Variants in DGKB observed in about 807,000 individuals in gnomAD.
The protein encoded by DGKB is diacylglycerol kinase beta.
In DGKB, 67 loss-of-function variants were observed where a neutral mutation model predicts 114.3. The ratio of observed to expected loss-of-function variants is 0.59; its 90% CI spans 0.48 to 0.72. The LOEUF is 0.72. Among genes scored for constraint, DGKB ranks in the 30% least tolerant of loss-of-function variants. The pLI, the probability that DGKB is intolerant of heterozygous loss-of-function variation, is 0.00. For synonymous variants in DGKB, 398 were observed against 323.1 expected, an observed-to-expected ratio of 1.23 and a Z score of -2.49; for missense variants, 907 against 975.2, an observed-to-expected ratio of 0.93 and a Z score of 0.93.
chr7:14,282,853 G>T (rs1042993176), intron 23 of DGKB, among the ~76,000 whole-genome samples: 1 of 152,006 alleles, frequency 6.6e-6, no homozygotes, highest in African/African-American at 2.4e-5. Flanking sequence ...GGTATTGATG[G>T]GACATATTTC....
At chr7:14,692,854 A>T (rs1823121002) in intron 9 of DGKB, among the ~76,000 whole-genome samples, 1 of 152,068 alleles carries the variant, frequency 6.6e-6, no homozygotes, top group Admixed American at 6.5e-5. Flanking sequence ...ACCCAGGTAA[A>T]AAAGAAAACA....
chr7:14,637,208 A>G (rs1810911117), intron 13 of DGKB, among the ~76,000 whole-genome samples: 1 of 152,046 alleles, frequency 6.6e-6, no homozygotes, highest in East Asian at 1.9e-4. Context: ...TGAACTGTTA[A>G]CATAAAAATT....
chr7:14,868,534 C>G (rs1284025627), intron 1 of DGKB, among the ~76,000 whole-genome samples: 3 of 151,966 alleles, frequency 2.0e-5, no homozygotes, highest in Non-Finnish European at 2.9e-5. Flanking sequence ...TGGGGTTTCA[C>G]CATGTTGGCT....
intron 13 of DGKB, among the ~76,000 whole-genome samples, chr7:14,671,284 G>T (rs1234849945): frequency 6.6e-6 from 1 of 152,088 alleles, no homozygotes; most frequent in East Asian, 1.9e-4. Flanking sequence ...GAAAGGACCA[G>T]GAGTGAGGTA....
At chr7:14,756,570 G>A (rs1834902886) in intron 3 of DGKB, among the ~76,000 whole-genome samples, 2 of 151,892 alleles carry the variant, frequency 1.3e-5, no homozygotes, top group South Asian at 4.1e-4. Flanking sequence ...GTACCAGAAT[G>A]TAGAGAGAAT....
chr7:14,315,240 C>G (rs1311522482), intron 23 of DGKB, among the ~76,000 whole-genome samples: 1 of 149,710 alleles, frequency 6.7e-6, no homozygotes, highest in Non-Finnish European at 1.5e-5. Flanking sequence ...AGCAAAATCA[C>G]CAGCTAACAT....
chr7:14,251,758 A>T (rs1033011444), intron 23 of DGKB, among the ~76,000 whole-genome samples: 1 of 152,096 alleles, frequency 6.6e-6, no homozygotes, highest in Non-Finnish European at 1.5e-5. Flanking sequence ...CAGCCTTGTT[A>T]GGTATTATAC....
chr7:14,403,211 A>C (rs1823406937), intron 21 of DGKB, among the ~76,000 whole-genome samples: 2 of 151,642 alleles, frequency 1.3e-5, no homozygotes, highest in African/African-American at 4.8e-5. Flanking sequence ...TCTCTCTTTT[A>C]ATTTAAAAAA....
Position 14,194,571 on chromosome 7 carries a change from T to C in DGKB, c.2123-16420A>G, listed in dbSNP as rs546563025. On this transcript the variant is annotated intron_variant, in intron 23 of 25. Coordinates refer to ENST00000402815, the MANE Select transcript of DGKB (RefSeq NM_001350709.2). Reference sequence around the variant, plus strand: ...ATTAACAAGAGTCATTTAAAAAATCTAGCAGTGTGAAATGTTGCATTCCCT... The same window carrying C: ...ATTAACAAGAGTCATTTAAAAAATCCAGCAGTGTGAAATGTTGCATTCCCT... 2.6e-5 allele frequency among the ~76,000 whole-genome samples: 4 copies of C among 152,270 alleles called. No homozygotes were observed. The South Asian group carries it at 8.3e-4, about 32-fold the overall frequency.
intron 25 of DGKB, 103 bp downstream of exon 25, chr7:14,176,736 A>C: frequency 6.5e-7 from 1 of 1,539,356 alleles, no homozygotes. Context: ...ATTTGCTGAT[A>C]GGTTGAAAAG....
chr7:14,239,144 C>T (rs1275909011), intron 23 of DGKB, among the ~76,000 whole-genome samples: 1 of 151,972 alleles, frequency 6.6e-6, no homozygotes, highest in East Asian at 1.9e-4. Flanking sequence ...GATAACTGCT[C>T]AGCAGTCGTT....
At chr7:14,285,204 C>G (rs917734177) in intron 23 of DGKB, among the ~76,000 whole-genome samples, 1 of 152,066 alleles carries the variant, frequency 6.6e-6, no homozygotes, top group Non-Finnish European at 1.5e-5. Context: ...TATAGGTATA[C>G]TCTGCCCTAG....
intron 25 of DGKB, among the ~76,000 whole-genome samples, chr7:14,156,710 A>C (rs1408146675): frequency 6.6e-6 from 1 of 152,172 alleles, no homozygotes; most frequent in Non-Finnish European, 1.5e-5. Flanking sequence ...ATGAGGCATA[A>C]GGTGGTAGAA....
intron 2 of DGKB, among the ~76,000 whole-genome samples, chr7:14,822,739 T>C (rs1224357842): frequency 1.3e-5 from 2 of 152,124 alleles, no homozygotes; most frequent in Non-Finnish European, 2.9e-5. Context: ...CAATCAACTT[T>C]AGAGCTAGTG....
At chr7:14,824,559 T>C (rs995187785) in intron 2 of DGKB, among the ~76,000 whole-genome samples, 2 of 152,114 alleles carry the variant, frequency 1.3e-5, no homozygotes, top group Admixed American at 6.6e-5. Flanking sequence ...TTATATAATA[T>C]AGTTGAAAAA....
At chr7:14,694,834 G>A (rs1216001341) in intron 8 of DGKB, among the ~76,000 whole-genome samples, 1 of 152,116 alleles carries the variant, frequency 6.6e-6, no homozygotes, top group African/African-American at 2.4e-5. Flanking sequence ...ATTATAAGCA[G>A]ACGAGCCCCT....
chr7:14,547,825 A>C (rs1283236984), intron 20 of DGKB, among the ~76,000 whole-genome samples: 1 of 152,210 alleles, frequency 6.6e-6, no homozygotes, highest in Non-Finnish European at 1.5e-5. Flanking sequence ...GACTGAAAGA[A>C]AATAAAAATT....
chr7:14,310,507 A>G (rs1032203805), intron 23 of DGKB, among the ~76,000 whole-genome samples: 8 of 152,188 alleles, frequency 5.3e-5, no homozygotes, highest in South Asian at 4.1e-4. Flanking sequence ...ACAGATGGAC[A>G]GCTACCAAGG....
At chr7:14,819,792 C>G (rs1358052351) in intron 2 of DGKB, among the ~76,000 whole-genome samples, 1 of 151,852 alleles carries the variant, frequency 6.6e-6, no homozygotes, top group East Asian at 1.9e-4. Flanking sequence ...AATATCTATA[C>G]CATATATCTT....
Sources: allele counts gnomAD v4.1 joint callset (sites outside exome capture counted in the v4.1 genomes callset), GRCh38; gene constraint gnomAD v4.1.1; transcripts MANE v1.5; gene names NCBI Gene and HGNC (gene_info 2026-07-23, HGNC 2026-07-21).